Variants in GDA observed in about 807,000 individuals in gnomAD.
GDA encodes cytoplasmic PSD-95 interactor.
GDA carries 18 observed loss-of-function variants against 59.6 expected under a neutral mutation model. The observed-to-expected ratio is 0.30, with a 90% confidence interval of 0.21 to 0.45. The LOEUF (loss-of-function observed/expected upper bound fraction) is 0.45. GDA is among the 20% of genes least tolerant of loss of function. The pLI is 1.00. For missense variants in GDA, 427 were observed against 552.3 expected (o/e 0.77, Z 2.27); for synonymous variants, 201 against 201.1 (o/e 1.00, Z 0.00).
chr9:72,159,179 A>G (rs1290104488), intron 1 of GDA, among the ~76,000 whole-genome samples: 1 of 152,200 alleles, frequency 6.6e-6, no homozygotes, highest in Non-Finnish European at 1.5e-5. Context: ...GCAGATCACA[A>G]GCTCAGGAGT....
intron 1 of GDA, among the ~76,000 whole-genome samples, chr9:72,142,471 G>A (rs1826473691): frequency 6.6e-6 from 1 of 151,714 alleles, no homozygotes; most frequent in South Asian, 2.1e-4. Flanking sequence ...TACTCGGGAG[G>A]CTGAGGCAGG....
chr9:72,153,745 T>C (rs1439169359), intron 1 of GDA, among the ~76,000 whole-genome samples: 2 of 145,004 alleles, frequency 1.4e-5, no homozygotes, highest in East Asian at 4.2e-4. Context: ...TTCTCACTCA[T>C]AGATGGAAAT....
intron 1 of GDA, among the ~76,000 whole-genome samples, chr9:72,163,694 G>A (rs1012997094): frequency 9.2e-5 from 14 of 152,096 alleles, no homozygotes; most frequent in African/African-American, 2.7e-4. Flanking sequence ...GGGTTTCACC[G>A]TATTAGCCAG....
chr9:72,249,184 T>G lies in GDA; in HGVS notation c.*842T>G. On this transcript the variant is annotated 3_prime_UTR_variant, in exon 14 of 14. Transcript: ENST00000358399. Reference sequence around the variant, plus strand: ...CCATTTTATTAGAAGAGAAACAAATTCCATGCTTTATGGAATTTATGTAGA... The same window carrying G: ...CCATTTTATTAGAAGAGAAACAAATGCCATGCTTTATGGAATTTATGTAGA... The G allele has an allele frequency of 1.0e-6, 1 of 984,200 alleles. No homozygotes were observed. The highest frequency in any genetic ancestry group is 1.2e-6 in the Non-Finnish European group (1 of 828,802). The allele number at this position is 984,200 out of a possible 1,614,324, so 61.0% of individuals were successfully genotyped here. A position where few individuals can be genotyped will look rare whatever the true frequency, so the allele number is the denominator to read the frequency against.
chr9:72,195,446 A>G, intron 1 of GDA, 54 bp from the exon 2 acceptor site: 2 of 694,286 alleles, frequency 2.9e-6, no homozygotes. Context: ...TAAAAAACAA[A>G]TGACTGTGAC....
Position 72,250,567 on chromosome 9 carries a change from C to T in GDA, c.*2225C>T. 2 of 1,465,220 alleles carry T rather than the reference C, an allele frequency of 1.4e-6. No homozygotes were observed. Among genetic ancestry groups the T allele is most frequent in the Admixed American group, 5.5e-5 (2 of 36,468 alleles). 90.8% of individuals were successfully genotyped at this position (1,465,220 alleles called of 1,614,324 possible). A position where few individuals can be genotyped will look rare whatever the true frequency, so the allele number is the denominator to read the frequency against. ...GTTTTATTTCTCCAAGTGCGGTGTT[C>T]CTGAATGTTATGTATGCTTTTTTTT... On this transcript the variant is annotated 3_prime_UTR_variant, in exon 14 of 14. Coordinates refer to ENST00000358399, the MANE Select transcript of GDA (RefSeq NM_004293.5).
chr9:72,195,401 G>A (rs529547721), intron 1 of GDA, 99 bp from the exon 2 acceptor site: 1 of 300,656 alleles, frequency 3.3e-6, no homozygotes, highest in South Asian at 6.5e-5. Flanking sequence ...TTTTAACTCA[G>A]CTATAGTCTC....
At chr9:72,256,065 CAGTT>C (rs1375546176), downstream of GDA, among the ~76,000 whole-genome samples, 1 of 152,138 alleles carries the variant, frequency 6.6e-6, no homozygotes, top group Non-Finnish European at 1.5e-5. Context: ...ATTAATCAGT[CAGTT>C]TGCTCTGAAA....
chr9:72,125,542 A>G (rs1463990220), intron 1 of GDA, among the ~76,000 whole-genome samples: 1 of 152,156 alleles, frequency 6.6e-6, no homozygotes, highest in Non-Finnish European at 1.5e-5. Flanking sequence ...TAAAAATAAC[A>G]TTTTATAGGC....
At chr9:72,116,887 T>A (rs1825470221) in intron 1 of GDA, among the ~76,000 whole-genome samples, 1 of 152,046 alleles carries the variant, frequency 6.6e-6, no homozygotes. Context: ...TAACTCATCA[T>A]TTACATTAGG....
At chr9:72,184,735 C>T (rs1563975957) in intron 1 of GDA, among the ~76,000 whole-genome samples, 1 of 152,128 alleles carries the variant, frequency 6.6e-6, no homozygotes, top group Non-Finnish European at 1.5e-5. Context: ...GGCATTTGAT[C>T]AGTCCCTGAC....
rs535855433 is a variant in GDA, at chr9:72,162,893, G to A, written c.123+13211G>A. 7.9e-5 allele frequency among the ~76,000 whole-genome samples: 12 copies of A among 152,232 alleles called. No individual in the cohort carries two copies. The East Asian group carries it at 9.7e-4, about 12-fold the overall frequency. On this transcript the variant is annotated intron_variant, in intron 1 of 13. Transcript: ENST00000358399. ...AGGATGGTCTCGATCTCCTGACCTCGTGATCCGCCCGCCTCGGCCTCCCAA... is the reference window on the plus strand; with the variant it reads ...AGGATGGTCTCGATCTCCTGACCTCATGATCCGCCCGCCTCGGCCTCCCAA...
chr9:72,186,200 C>T (rs1475058703), intron 1 of GDA, among the ~76,000 whole-genome samples: 1 of 152,188 alleles, frequency 6.6e-6, no homozygotes, highest in Non-Finnish European at 1.5e-5. Flanking sequence ...AATTTTGCCA[C>T]ATTTGCTTTC....
intron 7 of GDA, among the ~76,000 whole-genome samples, chr9:72,224,826 T>C (rs1175655754): frequency 7.4e-6 from 1 of 135,470 alleles, no homozygotes; most frequent in Admixed American, 7.3e-5. Context: ...TTTTTTTTTT[T>C]TGAAAGATGG....
intron 1 of GDA, among the ~76,000 whole-genome samples, chr9:72,158,589 G>A (rs1308413745): frequency 2.7e-5 from 4 of 149,212 alleles, no homozygotes; most frequent in African/African-American, 4.9e-5. Context: ...GCGAAACTCC[G>A]TCTCCAAAAA....
intron 1 of GDA, among the ~76,000 whole-genome samples, chr9:72,177,539 T>C (rs529921061): frequency 1.3e-5 from 2 of 152,218 alleles, no homozygotes; most frequent in Non-Finnish European, 2.9e-5. Context: ...ATTAAAGATA[T>C]AGAGAATTTA....
At chr9:72,116,896 G>C (rs2132511623) in intron 1 of GDA, among the ~76,000 whole-genome samples, 1 of 151,834 alleles carries the variant, frequency 6.6e-6, no homozygotes, top group Non-Finnish European at 1.5e-5. Context: ...ATTTACATTA[G>C]GTATATCTCC....
At chr9:72,195,337 C>CTTTTTTTT (rs55634274) in intron 1 of GDA, among the ~76,000 whole-genome samples, 163 bp from the exon 2 acceptor site, 3 of 119,568 alleles carry the variant, frequency 2.5e-5, no homozygotes, top group East Asian at 2.4e-4. Context: ...AAACACCTGT[C>CTTTTTTTT]TTTTTTTTTT....
intron 1 of GDA, among the ~76,000 whole-genome samples, chr9:72,142,737 T>C (rs1349966514): frequency 6.6e-6 from 1 of 152,128 alleles, no homozygotes; most frequent in Non-Finnish European, 1.5e-5. Flanking sequence ...GCTTATCCCT[T>C]GATAGTAAAA....
Sources: gnomAD v4.1 joint callset for allele counts (sites outside exome capture counted in the v4.1 genomes callset) on GRCh38, gnomAD v4.1.1 for gene constraint, MANE v1.5 for transcripts, NCBI Gene and HGNC (gene_info 2026-07-23, HGNC 2026-07-21) for gene names.